USP26: variants seen among roughly 807,000 people sequenced by gnomAD.
USP26 encodes ubiquitin specific peptidase 26, also known as ubiquitin carboxyl-terminal hydrolase 26.
For synonymous variants in USP26, 236 were observed against 240.6 expected, an observed-to-expected ratio of 0.98 and a Z score of 0.18; for missense variants, 649 against 642.3, an observed-to-expected ratio of 1.01 and a Z score of -0.11.
chrX:133,058,467 T>G (rs777769367), intron 5 of USP26, among the ~76,000 whole-genome samples: 1 of 112,036 alleles, frequency 8.9e-6, no homozygotes, highest in Non-Finnish European at 1.9e-5. Context: ...TATTGTTAGA[T>G]ACACACAGAT....
Position 133,026,298 on chromosome X carries a change from T to C in USP26, c.1923A>G (p.Val641=), listed in dbSNP as rs373406100. The C allele has an allele frequency of 1.1e-5, 13 of 1,204,078 alleles. No individual in the cohort carries two copies. Among genetic ancestry groups the C allele is most frequent in the Middle Eastern group, 2.3e-4 (1 of 4,348 alleles). The change falls in exon 6 of 6, where the codon GTA becomes GTG. Residue 641 remains valine, a synonymous_variant. Transcript: ENST00000511190. ...KNSKPNELES[V]YSGDRAFIEK... is the part of the protein sequence containing the mutation. ...CAATGAATGCTCGATCTCCTGAGTA[T>C]ACAGATTCTAGCTCATTTGGTTTAG...
intron 4 of USP26, among the ~76,000 whole-genome samples, chrX:133,089,070 A>T (rs1471876681): frequency 9.0e-6 from 1 of 110,552 alleles, no homozygotes; most frequent in East Asian, 2.8e-4. Context: ...AAAGGCTTTG[A>T]AATGTCAATG....
At chrX:133,030,728 T>C (rs941786391) in intron 5 of USP26, among the ~76,000 whole-genome samples, 5 of 112,529 alleles carry the variant, frequency 4.4e-5, no homozygotes, top group African/African-American at 1.6e-4. Context: ...GTATATACCT[T>C]TCAAATCTGA....
chrX:133,034,455 T>C (rs2067389442), intron 5 of USP26, among the ~76,000 whole-genome samples: 2 of 111,808 alleles, frequency 1.8e-5, no homozygotes, highest in African/African-American at 6.5e-5. Context: ...TAAACAGATG[T>C]ACACCTCAAT....
intron 5 of USP26, among the ~76,000 whole-genome samples, chrX:133,039,716 C>A (rs185879298): frequency 9.0e-6 from 1 of 111,355 alleles, no homozygotes; most frequent in Admixed American, 9.6e-5. Context: ...TCTGCTTGGT[C>A]CAGAGCTGAG....
At chrX:133,036,174 T>C (rs1328619077) in intron 5 of USP26, among the ~76,000 whole-genome samples, 2 of 110,800 alleles carry the variant, frequency 1.8e-5, no homozygotes, top group Non-Finnish European at 3.8e-5. Context: ...TAAGGTTTTT[T>C]TTCTTTAAGT....
At chrX:133,078,889 G>A (rs1311885980) in intron 5 of USP26, among the ~76,000 whole-genome samples, 1 of 111,953 alleles carries the variant, frequency 8.9e-6, no homozygotes, top group Non-Finnish European at 1.9e-5. Flanking sequence ...AACTTCTACT[G>A]TACCCATCAA....
At chrX:133,092,996 G>A (rs1485156074) in intron 1 of USP26, among the ~76,000 whole-genome samples, 2 of 112,089 alleles carry the variant, frequency 1.8e-5, no homozygotes, top group African/African-American at 6.5e-5. Flanking sequence ...AGTGGCTCAC[G>A]CCTGTAATCT....
At chrX:133,040,493 T>A (rs1204832114) in intron 5 of USP26, among the ~76,000 whole-genome samples, 3 of 111,866 alleles carry the variant, frequency 2.7e-5, no homozygotes, top group Non-Finnish European at 5.6e-5. Flanking sequence ...GAAAGTTCTT[T>A]TGTTTAAGAA....
intron 5 of USP26, among the ~76,000 whole-genome samples, chrX:133,056,248 G>A (rs1281352815): frequency 9.0e-6 from 1 of 111,333 alleles, no homozygotes; most frequent in Non-Finnish European, 1.9e-5. Flanking sequence ...TGGATGTCTG[G>A]ATCCTCCTCC....
At position 133,025,638 on chromosome X, in the gene USP26, C is replaced by A. The variant is rs765160556; in HGVS notation, c.2583G>T (p.Arg861=). The change falls in exon 6 of 6, where the codon CGG becomes CGT. Residue 861 remains arginine (R), a synonymous_variant. Transcript: ENST00000511190. Reference sequence around the variant, plus strand: ...TCTGGGCCTCCTGGATACCTAACACCCGCATATCATCGTAAGTGAACCAGA... The same window carrying A: ...TCTGGGCCTCCTGGATACCTAACACACGCATATCATCGTAAGTGAACCAGA... ...KQIWFTYDDM[R]VLGIQEAQMQ... The A allele has an allele frequency of 5.8e-6, 7 of 1,209,329 alleles. No homozygotes were observed. Among genetic ancestry groups the A allele is most frequent in the Non-Finnish European group, 6.7e-6 (6 of 895,013 alleles).
rs183028926 is a variant in USP26 at position 133,025,079 on chromosome X, C to T, written c.*400G>A. 1 of 165,830 alleles carries T rather than the reference C, an allele frequency of 6.0e-6. No individual in the cohort carries two copies. Among genetic ancestry groups the T allele is most frequent in the Admixed American group, 7.6e-5 (1 of 13,195 alleles). The allele number at this position is 165,830 out of a possible 1,213,427, so 13.7% of individuals were successfully genotyped here. ...AGGCCTGGTGGCACACATCTATAGT[C>T]CCATCTCAAGCAAGAAGATAAGTCC... is the stretch of plus-strand genomic sequence containing the variant. On this transcript the variant is annotated 3_prime_UTR_variant, in exon 6 of 6. Transcript: ENST00000511190.
At position 133,095,120 on chromosome X, in the gene USP26, GAAAGA is replaced by G. The variant is rs886159042; in HGVS notation, c.-393+1905_-393+1909del. On this transcript the variant is annotated intron_variant, in intron 1 of 5. Coordinates refer to ENST00000511190, the MANE Select transcript of USP26 (RefSeq NM_031907.3). Reference sequence around the variant, plus strand: ...AAAAAAAAAAAAAAAAAGAAAGAAAGAAAGAAAAGAAAAGAAAAGAAAGAAAATGC... The same window carrying G: ...AAAAAAAAAAAAAAAAAGAAAGAAAGAAAGAAAAGAAAAGAAAGAAAATGC... Among the ~76,000 whole-genome samples the G allele has an allele frequency of 1.3e-3, 128 of 99,760 alleles. 1 individual carries two copies. Among genetic ancestry groups the G allele is most frequent in the African/African-American group, 4.0e-3 (112 of 28,107 alleles). 86.6% of individuals were successfully genotyped at this position (99,760 alleles called of 115,157 possible).
intron 5 of USP26, among the ~76,000 whole-genome samples, chrX:133,050,602 T>G (rs1356256322): frequency 4.5e-5 from 5 of 111,782 alleles, no homozygotes; most frequent in Non-Finnish European, 9.4e-5. Flanking sequence ...GGTATAATTT[T>G]TTTTTAAAAA....
chrX:133,072,024 T>C (rs1210127527), intron 5 of USP26, among the ~76,000 whole-genome samples: 2 of 111,565 alleles, frequency 1.8e-5, no homozygotes, highest in Non-Finnish European at 3.8e-5. Flanking sequence ...AAGAAATAAC[T>C]ACTTAGGTAA....
At chrX:133,033,945 T>C (rs1474931110) in intron 5 of USP26, among the ~76,000 whole-genome samples, 1 of 112,271 alleles carries the variant, frequency 8.9e-6, no homozygotes, top group Non-Finnish European at 1.9e-5. Context: ...TATTTTCTGC[T>C]ATCTTAGCTT....
chrX:133,073,338 A>G (rs905343126), intron 5 of USP26, among the ~76,000 whole-genome samples: 76 of 775 alleles, frequency 0.098, no homozygotes, highest in Non-Finnish European at 0.2. Flanking sequence ...CATGGGACTA[A>G]AAAAAAAAAA....
At chrX:133,038,895 G>A (rs1391757818) in intron 5 of USP26, among the ~76,000 whole-genome samples, 3 of 111,731 alleles carry the variant, frequency 2.7e-5, no homozygotes, top group South Asian at 3.8e-4. Context: ...TCTTGGGAGG[G>A]TGTATGTGTC....
intron 5 of USP26, among the ~76,000 whole-genome samples, chrX:133,048,869 T>C (rs1351015983): frequency 8.9e-6 from 1 of 111,831 alleles, no homozygotes; most frequent in Non-Finnish European, 1.9e-5. Context: ...TAAAGTCCAC[T>C]TGTTTTTGCT....
Sources: allele counts gnomAD v4.1 joint callset (sites outside exome capture counted in the v4.1 genomes callset), GRCh38; gene constraint gnomAD v4.1.1; transcripts MANE v1.5; gene names NCBI Gene and HGNC (gene_info 2026-07-23, HGNC 2026-07-21).